TBC1D5: variants seen among roughly 807,000 people sequenced by gnomAD.
The protein encoded by TBC1D5 is TBC1 domain family member 5.
Under a neutral mutation model 100.3 loss-of-function variants are expected in TBC1D5, and 75 were observed. The ratio of observed to expected loss-of-function variants is 0.75; its 90% CI spans 0.62 to 0.91. The LOEUF is 0.91. Ranked by LOEUF, TBC1D5 falls within the 40% of genes least tolerant of loss-of-function variation. The pLI, the probability that TBC1D5 is intolerant of heterozygous loss-of-function variation, is 0.00. For missense variants in TBC1D5, 910 were observed against 942.4 expected, an observed-to-expected ratio of 0.97 and a Z score of 0.45; for synonymous variants, 323 against 325.6, an observed-to-expected ratio of 0.99 and a Z score of 0.09.
In TBC1D5 at chr3:17,316,867, A is replaced by T. The variant is rs117293919; in HGVS notation, c.996-8733T>A. ...GGCTCATGCCAGCCCTGATTTGATC[A>T]TAAGACTGGTATGAAAAACTGAGAA... On this transcript the variant is annotated intron_variant, in intron 13 of 21. Transcript: ENST00000253692. Among the ~76,000 whole-genome samples, 20 of 152,344 alleles carry T rather than the reference A, an allele frequency of 1.3e-4. No individual in the cohort carries two copies. The East Asian group carries it at 3.7e-3, about 28-fold the overall frequency.
chr3:17,734,939 T>C (rs895581700), intron 1 of TBC1D5, among the ~76,000 whole-genome samples: 4 of 135,926 alleles, frequency 2.9e-5, no homozygotes, highest in African/African-American at 8.2e-5. Flanking sequence ...AAAAAAAAAA[T>C]TTAATTAGCT....
chr3:17,442,969 G>A (rs2094700303), intron 3 of TBC1D5, among the ~76,000 whole-genome samples: 1 of 152,000 alleles, frequency 6.6e-6, no homozygotes, highest in African/African-American at 2.4e-5. Flanking sequence ...AAAGGGAAGA[G>A]AGGAAGGAGA....
intron 5 of TBC1D5, among the ~76,000 whole-genome samples, chr3:17,405,733 G>A (rs2093754319): frequency 6.6e-6 from 1 of 151,988 alleles, no homozygotes. Context: ...AATACACTAT[G>A]TGTTTTTGTC....
At chr3:17,408,906 T>C (rs963171777) in intron 4 of TBC1D5, among the ~76,000 whole-genome samples, 2 of 152,156 alleles carry the variant, frequency 1.3e-5, no homozygotes, top group Non-Finnish European at 2.9e-5. Flanking sequence ...GTGGGGCTTT[T>C]TTCCCCATTT....
At chr3:17,668,609 A>G (rs1410252694) in intron 1 of TBC1D5, among the ~76,000 whole-genome samples, 1 of 152,164 alleles carries the variant, frequency 6.6e-6, no homozygotes, top group Non-Finnish European at 1.5e-5. Flanking sequence ...GCTAGAAGGG[A>G]GGCAATATGC....
chr3:17,675,488 A>C lies in TBC1D5; in HGVS notation c.-100-51575T>G, dbSNP rs1399104221. On this transcript the variant is annotated intron_variant, in intron 1 of 21. Coordinates refer to ENST00000253692, the Ensembl canonical transcript of TBC1D5. The stretch of plus-strand genomic sequence containing the variant: ...TTCTTAAGAAAAGATACGTTCCTAA[A>C]GTGAGTATCTCTTCAACTTCACTGC... Among the ~76,000 whole-genome samples, 5 of 152,166 alleles carry C rather than the reference A, an allele frequency of 3.3e-5. No individual in the cohort carries two copies. The East Asian group carries it at 9.6e-4, about 29-fold the overall frequency.
chr3:17,609,735 A>G (rs1348980767), intron 2 of TBC1D5, among the ~76,000 whole-genome samples: 1 of 152,176 alleles, frequency 6.6e-6, no homozygotes, highest in Non-Finnish European at 1.5e-5. Flanking sequence ...GCTGGCAAGG[A>G]CACAACACCC....
intron 1 of TBC1D5, among the ~76,000 whole-genome samples, chr3:17,684,458 C>G (rs1451793826): frequency 6.6e-6 from 1 of 152,062 alleles, no homozygotes; most frequent in Non-Finnish European, 1.5e-5. Context: ...AGTGTGAAAA[C>G]TGTAAAGTAC....
intron 1 of TBC1D5, among the ~76,000 whole-genome samples, chr3:17,724,879 G>C (rs2075997287): frequency 1.3e-5 from 2 of 151,864 alleles, no homozygotes; most frequent in African/African-American, 4.8e-5. Flanking sequence ...CATATATCTA[G>C]GTCATTGTGT....
At chr3:17,695,330 CT>C (rs1370935704) in intron 1 of TBC1D5, among the ~76,000 whole-genome samples, 1 of 152,122 alleles carries the variant, frequency 6.6e-6, no homozygotes, top group African/African-American at 2.4e-5. Flanking sequence ...AGACCCATCA[CT>C]GGGCTGTATT....
intron 17 of TBC1D5, among the ~76,000 whole-genome samples, chr3:17,224,791 C>T (rs1321922335): frequency 1.3e-5 from 2 of 152,174 alleles, no homozygotes; most frequent in African/African-American, 4.8e-5. Context: ...GGGGCAACAA[C>T]ACCCAGAGGT....
At chr3:17,700,775 A>G (rs1166775978) in intron 1 of TBC1D5, among the ~76,000 whole-genome samples, 4 of 152,162 alleles carry the variant, frequency 2.6e-5, no homozygotes, top group Non-Finnish European at 5.9e-5. Flanking sequence ...CAAAACCACA[A>G]TGAGATACCA....
chr3:17,530,039 T>A (rs1193162158), intron 2 of TBC1D5, among the ~76,000 whole-genome samples: 1 of 151,352 alleles, frequency 6.6e-6, no homozygotes, highest in African/African-American at 2.4e-5. Context: ...AGGTCAGGAG[T>A]TCAAGACCAG....
At chr3:17,256,198 A>G (rs964699615) in intron 16 of TBC1D5, among the ~76,000 whole-genome samples, 1 of 151,972 alleles carries the variant, frequency 6.6e-6, no homozygotes, top group Non-Finnish European at 1.5e-5. Flanking sequence ...TACTTTTTCA[A>G]AGATTTGCCA....
At chr3:17,439,862 A>G (rs2094612610) in intron 3 of TBC1D5, among the ~76,000 whole-genome samples, 1 of 152,174 alleles carries the variant, frequency 6.6e-6, no homozygotes, top group South Asian at 2.1e-4. Flanking sequence ...TAAAAATATC[A>G]TTCAAAGTAG....
intron 1 of TBC1D5, among the ~76,000 whole-genome samples, chr3:17,704,416 C>G (rs1217503366): frequency 6.6e-6 from 1 of 151,246 alleles, no homozygotes; most frequent in African/African-American, 2.4e-5. Flanking sequence ...CATCCTGGCC[C>G]GTTCTCAATG....
intron 2 of TBC1D5, among the ~76,000 whole-genome samples, chr3:17,529,151 A>C (rs1211650179): frequency 3.3e-5 from 5 of 152,144 alleles, no homozygotes; most frequent in African/African-American, 1.2e-4. Context: ...GACTACTCAC[A>C]GGCTGAAATT....
chr3:17,472,381 G>A (rs1016741178), intron 3 of TBC1D5, among the ~76,000 whole-genome samples: 16 of 151,802 alleles, frequency 1.1e-4, no homozygotes, highest in African/African-American at 3.9e-4. Context: ...CTCATGATCC[G>A]CCCACCTCAG....
intron 1 of TBC1D5, among the ~76,000 whole-genome samples, chr3:17,662,048 T>C (rs1318518822): frequency 1.3e-5 from 2 of 151,962 alleles, no homozygotes; most frequent in Non-Finnish European, 2.9e-5. Flanking sequence ...GCACCACATG[T>C]CCAGCTAATT....
Sources: gnomAD v4.1 joint callset for allele counts (sites outside exome capture counted in the v4.1 genomes callset) on GRCh38, gnomAD v4.1.1 for gene constraint, MANE v1.5 for transcripts, NCBI Gene and HGNC (gene_info 2026-07-23, HGNC 2026-07-21) for gene names.